CDC37: variants seen among roughly 807,000 people sequenced by gnomAD.
The protein encoded by CDC37 is cell division cycle 37, HSP90 cochaperone.
CDC37 carries 9 observed loss-of-function variants against 46.9 expected under a neutral mutation model. The ratio of observed to expected loss-of-function variants is 0.19; its 90% CI spans 0.12 to 0.33. The LOEUF (loss-of-function observed/expected upper bound fraction) is 0.33. CDC37 is among the 10% of genes least tolerant of loss of function. The pLI is 1.00. For synonymous variants in CDC37, 193 were observed against 191.0 expected, an observed-to-expected ratio of 1.01 and a Z score of -0.09; for missense variants, 388 against 514.6, an observed-to-expected ratio of 0.75 and a Z score of 2.38.
intron 7 of CDC37, chr19:10,392,665 T>G: frequency 1.0e-5 from 2 of 190,640 alleles, no homozygotes; most frequent in African/African-American, 2.4e-5. Context: ...GCCTGGGAGG[T>G]CGAGACTGCA....
chr19:10,399,931 T>TAAAAAAAAAA (rs56162717), intron 1 of CDC37, among the ~76,000 whole-genome samples: 1 of 48,320 alleles, frequency 2.1e-5, no homozygotes, highest in African/African-American at 8.3e-5. Flanking sequence ...GACTCCGTCT[T>TAAAAAAAAAA]AAAAAAAAAA....
chr19:10,393,342 T>G lies in CDC37; in HGVS notation c.826A>C (p.Lys276Gln). The change falls in exon 6 of 8, where the codon AAG (lysine) becomes CAG (glutamine). Residue 276 changes from lysine (K) to glutamine (Q), a missense_variant. Transcript: ENST00000222005. This position sits in a 1 kb window ranked among gnomAD's most constrained non-coding sequence, Gnocchi z 4.9. ...TTGCGCTCCTCCTCCTCGTACTCCT[T>G]CATGGCCTTCTCGATGCGCAGCTTG... ...RAKLRIEKAM[K>Q]EYEEEERKKR... is the part of the protein sequence containing the mutation. The G allele has an allele frequency of 6.2e-7, 1 of 1,614,032 alleles. No individual in the cohort carries two copies. Among genetic ancestry groups the G allele is most frequent in the Non-Finnish European group, 8.5e-7 (1 of 1,179,970 alleles).
At position 10,391,467 on chromosome 19, in the gene CDC37, G is replaced by A. The variant is rs2042456196; in HGVS notation, c.*84C>T. On this transcript the variant is annotated 3_prime_UTR_variant, in exon 8 of 8. Transcript: ENST00000222005. ...GAGCAGCGCAAGTAGAGGAAGTCAG[G>A]AGCGGGCGAGATGGCATCTATCTGT... The A allele has an allele frequency of 6.5e-7, 1 of 1,540,816 alleles. No homozygotes were observed. Among genetic ancestry groups the A allele is most frequent in the Non-Finnish European group, 9.0e-7 (1 of 1,115,278 alleles).
chr19:10,395,904 G>GA, intron 2 of CDC37, 24 bp downstream of exon 2: 11 of 1,541,882 alleles, frequency 7.1e-6, no homozygotes, highest in Admixed American at 3.8e-5. Context: ...CATGCGCACT[G>GA]CCCGCCCCGC....
intron 5 of CDC37, among the ~76,000 whole-genome samples, chr19:10,394,531 A>ATTT (rs1568354270): frequency 2.6e-5 from 4 of 151,246 alleles, no homozygotes; most frequent in African/African-American, 4.9e-5. Context: ...TTAATTAATT[A>ATTT]ATTTATTTAT....
At position 10,398,797 on chromosome 19, in the gene CDC37, T is replaced by C. The variant is rs2042504122; in HGVS notation, c.103-2594A>G. On this transcript the variant is annotated intron_variant, in intron 1 of 7. Coordinates refer to ENST00000222005, the MANE Select transcript of CDC37 (RefSeq NM_007065.4). This position sits in a 1 kb window ranked among gnomAD's most constrained non-coding sequence, Gnocchi z 4.2. The stretch of plus-strand genomic sequence containing the variant: ...AGAGTACACGCTCAATAACTGGGAG[T>C]GGTTGTTACTACATGGTCACAGCAC... Among the ~76,000 whole-genome samples the C allele has an allele frequency of 6.6e-6, 1 of 151,778 alleles. No individual in the cohort carries two copies. Among genetic ancestry groups the C allele is most frequent in the Admixed American group, 6.6e-5 (1 of 15,206 alleles).
In CDC37 at chr19:10,396,431, G is replaced by A. The variant is rs143150466; in HGVS notation, c.103-228C>T. On this transcript the variant is annotated intron_variant, in intron 1 of 7. Coordinates refer to ENST00000222005, the MANE Select transcript of CDC37 (RefSeq NM_007065.4). This position sits in a 1 kb window ranked among gnomAD's most constrained non-coding sequence, Gnocchi z 5.9. ...CCCTGGCGGCTCCCATCTCACAGCAGAACCCAAGTTGTCACCACAGCCTAC... is the reference window on the plus strand; with the variant it reads ...CCCTGGCGGCTCCCATCTCACAGCAAAACCCAAGTTGTCACCACAGCCTAC... Among the ~76,000 whole-genome samples, 1 of 152,298 alleles carries A rather than the reference G, an allele frequency of 6.6e-6. No individual in the cohort carries two copies. Among genetic ancestry groups the A allele is most frequent in the Non-Finnish European group, 1.5e-5 (1 of 68,032 alleles).
chr19:10,403,319 G>A (rs2042530218), intron 1 of CDC37, 59 bp downstream of exon 1: 1 of 1,300,166 alleles, frequency 7.7e-7, no homozygotes, highest in African/African-American at 1.4e-5. Flanking sequence ...CAGTATCGGG[G>A]ATCACAACTC....
intron 5 of CDC37, among the ~76,000 whole-genome samples, chr19:10,394,112 C>A (rs1012205505): frequency 4.6e-5 from 7 of 151,776 alleles, no homozygotes; most frequent in African/African-American, 1.7e-4. Flanking sequence ...ACAACAACAA[C>A]AAAAAAACCC....
In CDC37 at chr19:10,391,482, CATCT is replaced by C. The variant is rs775086905; in HGVS notation, c.*65_*68del. 102 of 1,579,960 alleles carry C rather than the reference CATCT, an allele frequency of 6.5e-5. No homozygotes were observed. The highest frequency in any genetic ancestry group is 2.9e-4 in the East Asian group (13 of 44,702). ...AGGAAGTCAGGAGCGGGCGAGATGG[CATCT>C]ATCTGTTTTCTGAAAAGGGGCACAT... On this transcript the variant is annotated 3_prime_UTR_variant, in exon 8 of 8. Coordinates refer to ENST00000222005, the MANE Select transcript of CDC37 (RefSeq NM_007065.4).
intron 1 of CDC37, among the ~76,000 whole-genome samples, chr19:10,400,390 T>A (rs1360090887): frequency 6.7e-6 from 1 of 148,746 alleles, no homozygotes; most frequent in East Asian, 1.9e-4. Flanking sequence ...AACTTTGAAA[T>A]TTTTTTTTTT....
chr19:10,394,897 A>G (rs2042478825), intron 5 of CDC37, 124 bp downstream of exon 5: 5 of 1,075,146 alleles, frequency 4.7e-6, no homozygotes, highest in Non-Finnish European at 6.4e-6. Flanking sequence ...CCCTCTCCTG[A>G]TCTAGGATGC....
intron 5 of CDC37, among the ~76,000 whole-genome samples, chr19:10,394,483 T>A (rs948058595): frequency 3.9e-5 from 6 of 152,184 alleles, no homozygotes; most frequent in Admixed American, 1.3e-4. Context: ...GGGACTATAG[T>A]ACTCAGTCAC....
Position 10,391,480 on chromosome 19 carries a change from G to T in CDC37, c.*71C>A. 1.3e-6 allele frequency: 2 copies of T among 1,574,316 alleles called. No individual in the cohort carries two copies. Among genetic ancestry groups the T allele is most frequent in the Non-Finnish European group, 1.7e-6 (2 of 1,144,734 alleles). ...AGAGGAAGTCAGGAGCGGGCGAGATGGCATCTATCTGTTTTCTGAAAAGGG... is the reference window on the plus strand; with the variant it reads ...AGAGGAAGTCAGGAGCGGGCGAGATTGCATCTATCTGTTTTCTGAAAAGGG... On this transcript the variant is annotated 3_prime_UTR_variant, in exon 8 of 8. Transcript: ENST00000222005.
Position 10,393,680 on chromosome 19 carries a change from T to C in CDC37, c.727-239A>G. On this transcript the variant is annotated intron_variant, in intron 5 of 7. Transcript: ENST00000222005. The surrounding 1 kb of genome is among the most constrained non-coding windows in gnomAD (Gnocchi z 4.9). ...CTGCAGATCTGAGACACTCATGTCC[T>C]CAGTGTCCCTGCATGGGCACCTCTA... The C allele has an allele frequency of 2.0e-6, 1 of 498,860 alleles. No homozygotes were observed. The highest frequency in any genetic ancestry group is 3.5e-6 in the Non-Finnish European group (1 of 282,732). The allele number at this position is 498,860 out of a possible 1,614,324, so 30.9% of individuals were successfully genotyped here.
chr19:10,401,326 C>T (rs770818898), intron 1 of CDC37, among the ~76,000 whole-genome samples: 6 of 152,144 alleles, frequency 3.9e-5, no homozygotes, highest in Admixed American at 6.6e-5. Flanking sequence ...GTGCTGGAGA[C>T]GCTGAAGCCC....
At position 10,391,533 on chromosome 19, in the gene CDC37, G is replaced by A. The variant is rs749329607; in HGVS notation, c.*18C>T. 9 of 1,613,862 alleles carry A rather than the reference G, an allele frequency of 5.6e-6. No individual in the cohort carries two copies. Among genetic ancestry groups the A allele is most frequent in the Middle Eastern group, 1.6e-4 (1 of 6,084 alleles). ...ACATAGGGGCCTGGAAGCAGGTGGC[G>A]GTGGTAGCTGGGGCAGGTCACACAC... On this transcript the variant is annotated 3_prime_UTR_variant, in exon 8 of 8. Transcript: ENST00000222005.
Position 10,393,232 on chromosome 19 carries a change from C to A in CDC37, c.909+27G>T. The stretch of plus-strand genomic sequence containing the variant: ...GGGGGTCCCGCTCAGGGTCTTCCTG[C>A]TGCCCGCCTGGGCCGGGGAGCCCCA... On this transcript the variant is annotated intron_variant, in intron 6 of 7. Transcript: ENST00000222005. The surrounding 1 kb of genome is among the most constrained non-coding windows in gnomAD (Gnocchi z 4.9). 3.1e-6 allele frequency: 5 copies of A among 1,612,622 alleles called. No homozygotes were observed. Among genetic ancestry groups the A allele is most frequent in the South Asian group, 1.1e-5 (1 of 90,994 alleles).
Position 10,391,637 on chromosome 19 carries a change from C to A in CDC37, c.1051G>T (p.Ala351Ser), listed in dbSNP as rs1197836126. The A allele has an allele frequency of 1.2e-6, 2 of 1,614,200 alleles. No individual in the cohort carries two copies. The highest frequency in any genetic ancestry group is 3.3e-5 in the Admixed American group (2 of 60,014). The change falls in exon 8 of 8, where the codon GCC (alanine) becomes TCC (serine). Residue 351 changes from alanine to serine, a missense_variant. Ala to Ser is a moderately conservative substitution (Grantham distance 99). Coordinates refer to ENST00000222005, the MANE Select transcript of CDC37 (RefSeq NM_007065.4). ...LWVPNSKASEAKEGEEAGPGD... is the reference protein window; with the variant it reads ...LWVPNSKASESKEGEEAGPGD... ...GGACCTGCCTCCTCTCCCTCCTTGGCCTCGCTGGCCTTAGAGTTGGGGACC... is the reference window on the plus strand; with the variant it reads ...GGACCTGCCTCCTCTCCCTCCTTGGACTCGCTGGCCTTAGAGTTGGGGACC...
Sources: allele counts gnomAD v4.1 joint callset (sites outside exome capture counted in the v4.1 genomes callset), GRCh38; gene constraint gnomAD v4.1.1; non-coding constraint Gnocchi (gnomAD v3.1); transcripts MANE v1.5; gene names NCBI Gene and HGNC (gene_info 2026-07-23, HGNC 2026-07-21).